SIK3: variants seen among roughly 807,000 people sequenced by gnomAD.
SIK3 encodes serine/threonine-protein kinase SIK3.
SIK3 carries 28 observed loss-of-function variants against 144.2 expected under a neutral mutation model. That is an observed-to-expected ratio of 0.19 (90% CI 0.14 to 0.27). SIK3 has a LOEUF of 0.27. Ranked by LOEUF, SIK3 falls within the 10% of genes least tolerant of loss-of-function variation. SIK3 has a pLI of 1.00. For missense variants in SIK3, 1,319 were observed against 1,776.0 expected (o/e 0.74, Z 4.62); for synonymous variants, 686 against 676.3 (o/e 1.01, Z -0.22).
intron 1 of SIK3, among the ~76,000 whole-genome samples, chr11:116,980,892 T>C (rs7358350): frequency 0.14 from 21,767 of 151,858 alleles, 2,155 homozygotes; most frequent in African/African-American, 0.28. Flanking sequence ...TACAATCAGA[T>C]CATCATCATA....
chr11:117,076,330 C>G (rs76017053), intron 1 of SIK3, among the ~76,000 whole-genome samples: 1 of 152,138 alleles, frequency 6.6e-6, no homozygotes, highest in African/African-American at 2.4e-5. Flanking sequence ...AGGACCCCAG[C>G]AAATCATTAA....
In SIK3 at chr11:117,072,252, G is replaced by A. The variant is rs565571570; in HGVS notation, c.273+25891C>T. ...AAAATACAAAAATTAGCCAGGCCTG[G>A]TGGCATGTGCCTGTAATCCCAGCTA... On this transcript the variant is annotated intron_variant, in intron 1 of 24. Coordinates refer to ENST00000445177, the MANE Select transcript of SIK3 (RefSeq NM_001366686.3). Among the ~76,000 whole-genome samples, 790 of 152,184 alleles carry A rather than the reference G, an allele frequency of 5.2e-3. 9 individuals carry two copies. The highest frequency in any genetic ancestry group is 0.018 in the African/African-American group (751 of 41,506).
At chr11:116,929,332 A>G (rs1947467349) in intron 3 of SIK3, among the ~76,000 whole-genome samples, 2 of 152,216 alleles carry the variant, frequency 1.3e-5, no homozygotes, top group Admixed American at 6.5e-5. Flanking sequence ...TACCATCAGA[A>G]GCTCATTTGG....
In SIK3 at chr11:116,967,003, C is replaced by CAAAAAAAAAA. The variant is rs780692335; in HGVS notation, c.274-9949_274-9940dup. Among the ~76,000 whole-genome samples, 11 of 100,102 alleles carry CAAAAAAAAAA rather than the reference C, an allele frequency of 1.1e-4. No individual in the cohort carries two copies. The South Asian group carries it at 1.4e-3, about 13-fold the overall frequency. The allele number at this position is 100,102 out of a possible 152,430, so 65.7% of individuals were successfully genotyped here. A position where few individuals can be genotyped will look rare whatever the true frequency, so the allele number is the denominator to read the frequency against. On this transcript the variant is annotated intron_variant, in intron 1 of 24. Transcript: ENST00000445177. ...CTGGTGACAGAGCAAGACTCTGTTT[C>CAAAAAAAAAA]AAAAAAAAAAAGAAAAAGAAAAAGA...
intron 1 of SIK3, among the ~76,000 whole-genome samples, chr11:117,050,084 G>T (rs1424624463): frequency 6.6e-6 from 1 of 152,154 alleles, no homozygotes; most frequent in Non-Finnish European, 1.5e-5. Context: ...TGAGGTCAGG[G>T]TTTGAGACCA....
At chr11:116,857,529 A>T in intron 21 of SIK3, 2 of 421,386 alleles carry the variant, frequency 4.7e-6, no homozygotes, top group Non-Finnish European at 8.2e-6. Context: ...GATGGCAGTC[A>T]GGAATTTCTG....
rs146297480 is a variant in SIK3 at position 116,958,572 on chromosome 11, T to C, written c.274-1508A>G. Among the ~76,000 whole-genome samples the C allele has an allele frequency of 2.0e-3, 312 of 152,306 alleles. 3 individuals carry two copies. The highest frequency in any genetic ancestry group is 7.0e-3 in the African/African-American group (291 of 41,554). On this transcript the variant is annotated intron_variant, in intron 1 of 24. Transcript: ENST00000445177. Reference sequence around the variant, plus strand: ...ATTGGAAGTACAAGCAATGGAGCTATGTACCAGGTATAACAACAGACAGAG... The same window carrying C: ...ATTGGAAGTACAAGCAATGGAGCTACGTACCAGGTATAACAACAGACAGAG...
intron 1 of SIK3, among the ~76,000 whole-genome samples, chr11:117,008,610 G>A (rs900385755): frequency 6.6e-6 from 1 of 152,060 alleles, no homozygotes; most frequent in African/African-American, 2.4e-5. Context: ...ATGAACTCTG[G>A]TTTCTTTTTA....
At chr11:116,923,708 C>T (rs1361230619) in intron 4 of SIK3, among the ~76,000 whole-genome samples, 1 of 152,154 alleles carries the variant, frequency 6.6e-6, no homozygotes, top group African/African-American at 2.4e-5. Flanking sequence ...TAAAAATGTA[C>T]GCTTTGGGTT....
chr11:117,017,166 A>G (rs1434853316), intron 1 of SIK3, among the ~76,000 whole-genome samples: 1 of 152,226 alleles, frequency 6.6e-6, no homozygotes, highest in Non-Finnish European at 1.5e-5. Flanking sequence ...CTGAGGTGGG[A>G]GAATCACTTC....
At chr11:117,033,403 A>G (rs1952350936) in intron 1 of SIK3, among the ~76,000 whole-genome samples, 1 of 152,154 alleles carries the variant, frequency 6.6e-6, no homozygotes, top group Non-Finnish European at 1.5e-5. Context: ...TGAACTACAT[A>G]AAAATATAGA....
chr11:116,959,480 G>A (rs1258520024), intron 1 of SIK3, among the ~76,000 whole-genome samples: 1 of 152,196 alleles, frequency 6.6e-6, no homozygotes, highest in Non-Finnish European at 1.5e-5. Flanking sequence ...AACTGTCTAA[G>A]GCCTGTGCCT....
rs566032530 is a variant in SIK3 at position 116,971,720 on chromosome 11, C to T, written c.274-14656G>A. 1.7e-4 allele frequency among the ~76,000 whole-genome samples: 26 copies of T among 152,146 alleles called. 1 individual carries two copies. The South Asian group carries it at 2.5e-3, about 15-fold the overall frequency. On this transcript the variant is annotated intron_variant, in intron 1 of 24. Transcript: ENST00000445177. ...CACCGTATCATTTCATCTGTAACTA[C>T]TTCAATATACCTCAAACAGGAGTCT...
chr11:117,038,675 A>G (rs1011756245), intron 1 of SIK3, among the ~76,000 whole-genome samples: 2 of 151,498 alleles, frequency 1.3e-5, no homozygotes, highest in African/African-American at 4.9e-5. Context: ...TTTATTTGCA[A>G]TGACTCTCCT....
intron 3 of SIK3, among the ~76,000 whole-genome samples, chr11:116,947,110 C>CAA (rs1475622563): frequency 1.7e-3 from 10 of 5,914 alleles, no homozygotes; most frequent in African/African-American, 6.0e-3. Flanking sequence ...GACTTCGTCT[C>CAA]AAAAAAATAT....
intron 1 of SIK3, among the ~76,000 whole-genome samples, chr11:117,003,999 A>G (rs560815333): frequency 2.0e-5 from 3 of 152,306 alleles, no homozygotes; most frequent in Admixed American, 1.3e-4. Flanking sequence ...GAATATGGGG[A>G]AAAAAGCTAA....
At chr11:117,080,299 G>A (rs1394080408) in intron 1 of SIK3, among the ~76,000 whole-genome samples, 2 of 148,532 alleles carry the variant, frequency 1.3e-5, no homozygotes, top group African/African-American at 5.2e-5. Flanking sequence ...GAATTGGCAT[G>A]GCCTTACTTG....
At chr11:116,994,968 T>C (rs888847777) in intron 1 of SIK3, among the ~76,000 whole-genome samples, 4 of 151,922 alleles carry the variant, frequency 2.6e-5, no homozygotes, top group African/African-American at 9.7e-5. Context: ...TTTCTTTTTT[T>C]CTTTAAGACA....
chr11:117,086,966 G>T (rs1230100738), intron 1 of SIK3, among the ~76,000 whole-genome samples: 6 of 143,834 alleles, frequency 4.2e-5, no homozygotes, highest in Non-Finnish European at 8.9e-5. Context: ...TTGTACTCCA[G>T]CCTGGACAAC....
Sources: allele counts gnomAD v4.1 joint callset (sites outside exome capture counted in the v4.1 genomes callset), GRCh38; gene constraint gnomAD v4.1.1; transcripts MANE v1.5; gene names NCBI Gene and HGNC (gene_info 2026-07-23, HGNC 2026-07-21).